Variants in APBB2 observed in about 807,000 individuals in gnomAD.
APBB2 encodes the protein Fe65-like 1.
A neutral mutation model predicts 82.5 loss-of-function variants in APBB2; 38 were observed. The observed-to-expected ratio is 0.46, with a 90% CI of 0.36 to 0.60. APBB2 has a LOEUF of 0.60. Among genes scored for constraint, APBB2 ranks in the 20% least tolerant of loss-of-function variants. The pLI is 0.00. For missense variants in APBB2, 772 were observed against 972.3 expected, an observed-to-expected ratio of 0.79 and a Z score of 2.74; for synonymous variants, 341 against 368.2, an observed-to-expected ratio of 0.93 and a Z score of 0.85.
Position 40,960,723 on chromosome 4 carries a change from A to G in APBB2, c.836-15650T>C, listed in dbSNP as rs532212461. On this transcript the variant is annotated intron_variant, in intron 6 of 17. Transcript: ENST00000508593. ...TGGCCTCCCAGAGTGCTGGGATTAC[A>G]GGTGTGAGCCACCGTGCCCCGCCAC... Among the ~76,000 whole-genome samples the G allele has an allele frequency of 2.6e-5, 4 of 152,220 alleles. No homozygotes were observed. In the South Asian group the frequency reaches 8.3e-4, roughly 32 times the overall value.
intron 6 of APBB2, among the ~76,000 whole-genome samples, chr4:40,965,514 T>C (rs1053668816): frequency 6.6e-6 from 1 of 152,108 alleles, no homozygotes; most frequent in Non-Finnish European, 1.5e-5. Context: ...CAAATTGAGA[T>C]GTGCTGTCAG....
At chr4:41,082,505 A>G (rs529294260) in intron 3 of APBB2, among the ~76,000 whole-genome samples, 202 of 152,236 alleles carry the variant, frequency 1.3e-3, no homozygotes, top group African/African-American at 4.7e-3. Flanking sequence ...AATTTATTTG[A>G]ATATAAAGAT....
intron 3 of APBB2, among the ~76,000 whole-genome samples, chr4:41,088,819 G>A (rs979918562): frequency 6.6e-6 from 1 of 152,182 alleles, no homozygotes; most frequent in Non-Finnish European, 1.5e-5. Flanking sequence ...CCAGATGAGG[G>A]ATGGAAAGGA....
intron 3 of APBB2, among the ~76,000 whole-genome samples, chr4:41,066,010 C>T (rs1361722825): frequency 1.3e-5 from 2 of 152,106 alleles, no homozygotes; most frequent in Non-Finnish European, 2.9e-5. Context: ...TCTTCCTTAA[C>T]ATCAAGGAAT....
intron 12 of APBB2, among the ~76,000 whole-genome samples, chr4:40,845,206 T>C (rs1184304238): frequency 6.6e-6 from 1 of 152,190 alleles, no homozygotes; most frequent in Non-Finnish European, 1.5e-5. Context: ...TGAAATGTCA[T>C]TCAGAAACCC....
rs1203872301 is a variant in APBB2 at position 40,830,486 on chromosome 4, T to C, written c.1621A>G (p.Ser541Gly). 1 of 1,613,942 alleles carries C rather than the reference T, an allele frequency of 6.2e-7. No individual in the cohort carries two copies. The highest frequency in any genetic ancestry group is 2.2e-5 in the East Asian group (1 of 44,896). Reference sequence around the variant, plus strand: ...ACCTTGGAGCAGATCTCGTGGAGACTTGTGGCAATGGCTTTTGCTGGTGTG... The same window carrying C: ...ACCTTGGAGCAGATCTCGTGGAGACCTGTGGCAATGGCTTTTGCTGGTGTG... ...CDTPAKAIAT[S>G]LHEICSKIMA... Residue 541 changes from serine (S) to glycine (G), a missense_variant, in exon 13 of 18, where the codon AGT (serine) becomes GGT (glycine). Coordinates refer to ENST00000508593, the MANE Select transcript of APBB2 (RefSeq NM_004307.2).
At chr4:41,169,563 C>T (rs1767677621) in intron 1 of APBB2, among the ~76,000 whole-genome samples, 1 of 152,152 alleles carries the variant, frequency 6.6e-6, no homozygotes, top group African/African-American at 2.4e-5. Context: ...TTTCATTTTC[C>T]TAAATGGTTG....
chr4:40,855,177 T>C (rs746860), intron 12 of APBB2, among the ~76,000 whole-genome samples: 98,812 of 152,032 alleles, frequency 0.65, 32,580 homozygotes, highest in African/African-American at 0.69. Context: ...TGTCTCACCT[T>C]GGTGTCATCC....
intron 6 of APBB2, among the ~76,000 whole-genome samples, chr4:40,996,912 T>G (rs73809428): frequency 0.011 from 1,653 of 152,292 alleles, 25 homozygotes; most frequent in African/African-American, 0.038. Context: ...AAATTGATCC[T>G]CCCAGTCTTA....
chr4:41,013,611 A>G lies in APBB2; in HGVS notation c.807T>C (p.Ser269=), dbSNP rs750466613. Residue 269 remains serine, a synonymous_variant, in exon 6 of 18, where the codon AGT becomes AGC. Coordinates refer to ENST00000508593, the MANE Select transcript of APBB2 (RefSeq NM_004307.2). ...ESSWTTLSQD[S]ASPSSPDETA... ...TTTCATCCGGGGAGCTGGGTGAGGC[A>G]CTGTCTTGGGACAACGTTGTCCAGC... 6.2e-7 allele frequency: 1 copy of G among 1,613,806 alleles called. No homozygotes were observed. Among genetic ancestry groups the G allele is most frequent in the Non-Finnish European group, 8.5e-7 (1 of 1,179,960 alleles).
intron 10 of APBB2, among the ~76,000 whole-genome samples, chr4:40,928,308 C>T (rs1783149754): frequency 6.6e-6 from 1 of 151,368 alleles, no homozygotes; most frequent in South Asian, 2.1e-4. Flanking sequence ...TTTGGGAGGC[C>T]GAGGCAGTGG....
intron 6 of APBB2, among the ~76,000 whole-genome samples, chr4:40,964,553 G>A (rs1794127668): frequency 6.6e-6 from 1 of 152,076 alleles, no homozygotes; most frequent in Admixed American, 6.5e-5. Flanking sequence ...TCAATTAGAG[G>A]AATGTGCGGG....
intron 1 of APBB2, among the ~76,000 whole-genome samples, chr4:41,201,633 G>A (rs371540933): frequency 1.3e-4 from 20 of 152,160 alleles, no homozygotes; most frequent in African/African-American, 3.9e-4. Context: ...ACCTATATCC[G>A]TCTATCCCAG....
intron 1 of APBB2, among the ~76,000 whole-genome samples, chr4:41,159,232 A>C (rs372431525): frequency 6.6e-6 from 1 of 152,176 alleles, no homozygotes; most frequent in Non-Finnish European, 1.5e-5. Flanking sequence ...CCCTTTCTCT[A>C]TCTCTCTCTT....
rs1391320780 is a variant in APBB2 at position 40,982,292 on chromosome 4, AGG to A, written c.835+31289_835+31290del. 9.3e-4 allele frequency among the ~76,000 whole-genome samples: 38 copies of A among 40,660 alleles called. 5 individuals carry two copies. Among genetic ancestry groups the A allele is most frequent in the African/African-American group, 5.5e-3 (38 of 6,932 alleles). 26.7% of individuals were successfully genotyped at this position (40,660 alleles called of 152,430 possible). On this transcript the variant is annotated intron_variant, in intron 6 of 17. Coordinates refer to ENST00000508593, the MANE Select transcript of APBB2 (RefSeq NM_004307.2). ...AAAGAAAGAAAGAAAGAAGGAAGGAAGGAAGGAAGGAAGGAAAGAAAGAAAGA... is the reference window on the plus strand; with the variant it reads ...AAAGAAAGAAAGAAAGAAGGAAGGAAAAGGAAGGAAGGAAAGAAAGAAAGA...
chr4:41,201,306 G>A (rs1184040464), intron 1 of APBB2, among the ~76,000 whole-genome samples: 1 of 152,140 alleles, frequency 6.6e-6, no homozygotes, highest in Non-Finnish European at 1.5e-5. Flanking sequence ...TGTATTTTCT[G>A]AAGATAATAA....
At chr4:41,120,155 T>C (rs1752371937) in intron 2 of APBB2, among the ~76,000 whole-genome samples, 1 of 151,934 alleles carries the variant, frequency 6.6e-6, no homozygotes, top group South Asian at 2.1e-4. Context: ...ATGCCAGCTG[T>C]GTTTTCACTC....
intron 17 of APBB2, among the ~76,000 whole-genome samples, chr4:40,818,304 G>A (rs1746524469): frequency 6.6e-6 from 1 of 152,086 alleles, no homozygotes; most frequent in Non-Finnish European, 1.5e-5. Context: ...GCTGAGCTGT[G>A]TCCACTCGTT....
At chr4:40,860,130 C>G (rs1326779359) in intron 12 of APBB2, among the ~76,000 whole-genome samples, 1 of 152,212 alleles carries the variant, frequency 6.6e-6, no homozygotes, top group Non-Finnish European at 1.5e-5. Flanking sequence ...TGTTTCTGTA[C>G]AGTGAAGAAT....
Sources: gnomAD v4.1 joint callset for allele counts (sites outside exome capture counted in the v4.1 genomes callset) on GRCh38, gnomAD v4.1.1 for gene constraint, MANE v1.5 for transcripts, NCBI Gene and HGNC (gene_info 2026-07-23, HGNC 2026-07-21) for gene names.